TMEM116: variants seen among roughly 807,000 people sequenced by gnomAD.
The protein encoded by TMEM116 is transmembrane protein 116.
Under a neutral mutation model 44.3 loss-of-function variants are expected in TMEM116, and 38 were observed. The ratio of observed to expected loss-of-function variants is 0.86; its 90% CI spans 0.66 to 1.12. TMEM116 has a LOEUF of 1.12. Among genes scored for constraint, TMEM116 ranks in the 50% most tolerant of loss-of-function variants. The pLI, the probability that TMEM116 is intolerant of heterozygous loss-of-function variation, is 0.00. For missense variants in TMEM116, 354 were observed against 401.7 expected (o/e 0.88, Z 1.01); for synonymous variants, 132 against 144.8 (o/e 0.91, Z 0.64).
At chr12:111,974,094 G>A (rs753397876) in intron 4 of TMEM116, among the ~76,000 whole-genome samples, 3 of 150,608 alleles carry the variant, frequency 2.0e-5, no homozygotes, top group Non-Finnish European at 4.4e-5. Flanking sequence ...AATAGGTACA[G>A]AAAATAGCAT....
At position 111,960,491 on chromosome 12, in the gene TMEM116, CAAAAAAAAAAAAAA is replaced by C. The variant is rs545322547; in HGVS notation, c.211-17136_211-17123del. On this transcript the variant is annotated intron_variant, in intron 4 of 10. Transcript: ENST00000552374. ...TGGGCGACAGAGCAAGACTCCGTCT[CAAAAAAAAAAAAAA>C]AAAAAAAAAAAAAGAAACTCACTCA... Among the ~76,000 whole-genome samples the C allele has an allele frequency of 1.4e-4, 4 of 28,574 alleles. No homozygotes were observed. The South Asian group carries it at 4.9e-3, about 35-fold the overall frequency. 18.7% of individuals were successfully genotyped at this position (28,574 alleles called of 152,430 possible). A position where few individuals can be genotyped will look rare whatever the true frequency, so the allele number is the denominator to read the frequency against.
At chr12:111,945,389 T>C (rs1002260013) in intron 4 of TMEM116, among the ~76,000 whole-genome samples, 1 of 151,004 alleles carries the variant, frequency 6.6e-6, no homozygotes, top group African/African-American at 2.4e-5. Context: ...ATAGGTAATT[T>C]CATTTACGCC....
intron 4 of TMEM116, among the ~76,000 whole-genome samples, chr12:111,984,457 T>C (rs1268700793): frequency 6.6e-6 from 1 of 152,122 alleles, no homozygotes; most frequent in African/African-American, 2.4e-5. Flanking sequence ...GTGGAGATGG[T>C]CAATGGGTAC....
intron 4 of TMEM116, among the ~76,000 whole-genome samples, chr12:111,959,936 A>T (rs1298664321): frequency 1.3e-5 from 2 of 152,218 alleles, no homozygotes; most frequent in African/African-American, 4.8e-5. Context: ...TCGATATTAG[A>T]TCAACGAGAC....
At chr12:112,011,292 T>C (rs12298539) in intron 1 of TMEM116, 4,766 of 152,426 alleles carry the variant, frequency 0.031, 259 homozygotes, top group African/African-American at 0.11. Flanking sequence ...CTGCCATCAA[T>C]AGGGCAAACT....
At chr12:112,000,968 G>C in intron 3 of TMEM116, 1 of 342,730 alleles carries the variant, frequency 2.9e-6, no homozygotes, top group South Asian at 2.3e-5. Context: ...GCAGCAGTCA[G>C]TACAAGGTAA....
chr12:111,941,307 C>T lies in TMEM116; in HGVS notation c.315+1958G>A, dbSNP rs532088695. On this transcript the variant is annotated intron_variant, in intron 5 of 10. Transcript: ENST00000552374. ...AGAAGAATCGCTTGAACCAGGGAGT[C>T]GGAGGCTGCAGTGAGCCGAGCTTGT... Among the ~76,000 whole-genome samples, 3 of 150,294 alleles carry T rather than the reference C, an allele frequency of 2.0e-5. No individual in the cohort carries two copies. The South Asian group carries it at 6.3e-4, about 32-fold the overall frequency.
intron 4 of TMEM116, among the ~76,000 whole-genome samples, chr12:111,969,294 T>C (rs1056407506): frequency 1.7e-4 from 23 of 132,100 alleles, no homozygotes; most frequent in African/African-American, 6.7e-4. Context: ...CACTCCAGGC[T>C]GGGCAACAAG....
intron 3 of TMEM116, among the ~76,000 whole-genome samples, chr12:111,998,502 A>G (rs1226928574): frequency 6.6e-6 from 1 of 152,174 alleles, no homozygotes; most frequent in Non-Finnish European, 1.5e-5. Flanking sequence ...GAGCAATAAC[A>G]TTCTGATCAT....
intron 4 of TMEM116, among the ~76,000 whole-genome samples, chr12:111,957,325 G>A (rs1471523763): frequency 3.3e-5 from 5 of 151,856 alleles, no homozygotes; most frequent in East Asian, 2.0e-4. Context: ...CCGCCACCCC[G>A]TCTGGGAGGT....
intron 1 of TMEM116, among the ~76,000 whole-genome samples, chr12:112,007,504 T>C (rs2077648987): frequency 6.6e-6 from 1 of 152,118 alleles, no homozygotes; most frequent in Non-Finnish European, 1.5e-5. Flanking sequence ...CCAGACATTG[T>C]TAAATAGAGG....
At chr12:111,988,740 C>T (rs932374605) in intron 4 of TMEM116, among the ~76,000 whole-genome samples, 1 of 151,754 alleles carries the variant, frequency 6.6e-6, no homozygotes, top group African/African-American at 2.4e-5. Context: ...GCCTGAAATC[C>T]CAGCACTTTG....
At chr12:111,995,826 T>C (rs2076899892) in intron 3 of TMEM116, among the ~76,000 whole-genome samples, 1 of 147,988 alleles carries the variant, frequency 6.8e-6, no homozygotes, top group Admixed American at 6.7e-5. Flanking sequence ...AGCCCAGGAG[T>C]TCAAGACCAG....
intron 4 of TMEM116, among the ~76,000 whole-genome samples, chr12:111,984,014 T>C (rs2076089151): frequency 6.6e-6 from 1 of 152,050 alleles, no homozygotes; most frequent in Non-Finnish European, 1.5e-5. Flanking sequence ...CAACGATGGT[T>C]CAACATACAA....
chr12:111,986,552 G>A (rs2076240748), intron 4 of TMEM116, among the ~76,000 whole-genome samples: 1 of 152,168 alleles, frequency 6.6e-6, no homozygotes, highest in Non-Finnish European at 1.5e-5. Context: ...GCTCACGCCT[G>A]TAATCCCAGC....
intron 9 of TMEM116, among the ~76,000 whole-genome samples, 180 bp downstream of exon 9, chr12:111,933,706 C>G (rs1354661858): frequency 5.9e-5 from 9 of 151,310 alleles, no homozygotes; most frequent in African/African-American, 2.2e-4. Context: ...CTGTGTTAGC[C>G]AGGATGGTCT....
chr12:111,997,027 A>G (rs1337183717), intron 3 of TMEM116, among the ~76,000 whole-genome samples: 1 of 152,240 alleles, frequency 6.6e-6, no homozygotes, highest in African/African-American at 2.4e-5. Context: ...TAAACCGTAC[A>G]TAAGAGTAAA....
intron 4 of TMEM116, among the ~76,000 whole-genome samples, chr12:111,959,442 T>C (rs1344923997): frequency 2.0e-5 from 3 of 152,290 alleles, no homozygotes; most frequent in East Asian, 1.9e-4. Context: ...CTTCAACTAA[T>C]GGGTAAAATA....
chr12:112,006,898 A>T (rs1053239208), intron 1 of TMEM116, among the ~76,000 whole-genome samples: 66 of 152,228 alleles, frequency 4.3e-4, no homozygotes, highest in African/African-American at 1.5e-3. Context: ...ATTTAAATAC[A>T]TGACTAATTT....
Sources: allele counts gnomAD v4.1 joint callset (sites outside exome capture counted in the v4.1 genomes callset), GRCh38; gene constraint gnomAD v4.1.1; transcripts MANE v1.5; gene names NCBI Gene and HGNC (gene_info 2026-07-23, HGNC 2026-07-21).